Variants in RORA observed in about 807,000 individuals in gnomAD.
The protein encoded by RORA is RAR related orphan receptor A, also known as nuclear receptor ROR-alpha.
In RORA, 7 loss-of-function variants were observed where a neutral mutation model predicts 69.5. The observed-to-expected ratio is 0.10, with a 90% CI of 0.06 to 0.19. RORA has a LOEUF of 0.19. Among genes scored for constraint, RORA ranks in the 10% least tolerant of loss-of-function variants. The pLI is 1.00. For synonymous variants in RORA, 261 were observed against 240.8 expected (o/e 1.08, Z -0.78); for missense variants, 457 against 663.0 (o/e 0.69, Z 3.41).
At chr15:60,945,241 C>T (rs1892835768) in intron 1 of RORA, among the ~76,000 whole-genome samples, 1 of 152,190 alleles carries the variant, frequency 6.6e-6, no homozygotes, top group African/African-American at 2.4e-5. Context: ...AACAGGAACT[C>T]TCATCTCTCT....
Position 61,061,339 on chromosome 15 carries a change from G to A in RORA, c.166+167714C>T, listed in dbSNP as rs1044753090. The stretch of plus-strand genomic sequence containing the variant: ...CTGCAGGCGTGCAGGGAGACAGAGC[G>A]AGGCTCTATCTTAAAAAATAAATAA... On this transcript the variant is annotated intron_variant, in intron 1 of 10. Transcript: ENST00000335670. This position sits in a 1 kb window ranked among gnomAD's most constrained non-coding sequence, Gnocchi z 4.4. 6.0e-5 allele frequency among the ~76,000 whole-genome samples: 9 copies of A among 149,468 alleles called. No individual in the cohort carries two copies. The highest frequency in any genetic ancestry group is 2.7e-4 in the Admixed American group (4 of 14,986).
At chr15:60,520,736 G>A (rs1371330163) in intron 3 of RORA, among the ~76,000 whole-genome samples, 1 of 152,110 alleles carries the variant, frequency 6.6e-6, no homozygotes, top group South Asian at 2.1e-4. Flanking sequence ...TAAAAAAAAA[G>A]TGCTGAAGTT....
In RORA at chr15:60,838,879, CACACACACATATACT is replaced by C. The variant is rs1194260085; in HGVS notation, c.167-160208_167-160194del. ...ACACACACACACACACACACACACA[CACACACACATATACT>C]TTTTTTTTTTTTCAGAGGGTGTCTC... On this transcript the variant is annotated intron_variant, in intron 1 of 10. Coordinates refer to ENST00000335670, the MANE Select transcript of RORA (RefSeq NM_134261.3). Among the ~76,000 whole-genome samples the C allele has an allele frequency of 6.3e-4, 46 of 72,470 alleles. No homozygotes were observed. In the East Asian group the frequency reaches 0.01, roughly 16 times the overall value. 47.5% of individuals were successfully genotyped at this position (72,470 alleles called of 152,430 possible).
At chr15:61,116,403 C>A (rs532793180) in intron 1 of RORA, among the ~76,000 whole-genome samples, 6 of 152,266 alleles carry the variant, frequency 3.9e-5, no homozygotes, top group African/African-American at 1.4e-4. Flanking sequence ...TGCTACCCTA[C>A]AAATAAGAGA....
chr15:60,575,038 G>T (rs1399644397), intron 2 of RORA, among the ~76,000 whole-genome samples: 1 of 151,874 alleles, frequency 6.6e-6, no homozygotes, highest in African/African-American at 2.4e-5. Flanking sequence ...TGGTGATTAG[G>T]CAACTCTGCC....
chr15:60,770,692 A>AG (rs1394715185), intron 1 of RORA, among the ~76,000 whole-genome samples: 1 of 152,158 alleles, frequency 6.6e-6, no homozygotes, highest in African/African-American at 2.4e-5. Context: ...GCCCAATCAT[A>AG]GTGCACTGCA....
intron 2 of RORA, among the ~76,000 whole-genome samples, chr15:60,596,389 G>T (rs1204571947): frequency 6.6e-6 from 1 of 152,060 alleles, no homozygotes; most frequent in East Asian, 1.9e-4. Context: ...AGGTTAATGT[G>T]GTCCTAGGCA....
At chr15:61,185,936 T>C (rs543335545) in intron 1 of RORA, among the ~76,000 whole-genome samples, 34 of 152,272 alleles carry the variant, frequency 2.2e-4, no homozygotes, top group African/African-American at 7.2e-4. Context: ...GTTTCTCTAC[T>C]GGATAAACTC....
intron 1 of RORA, among the ~76,000 whole-genome samples, chr15:61,110,062 T>C (rs1391156922): frequency 2.0e-5 from 3 of 152,220 alleles, no homozygotes; most frequent in South Asian, 2.1e-4. Context: ...TTTGTGGTGA[T>C]GCTGGTGTAA....
intron 1 of RORA, among the ~76,000 whole-genome samples, chr15:61,215,230 G>C (rs2080030169): frequency 6.6e-6 from 1 of 151,810 alleles, no homozygotes; most frequent in African/African-American, 2.4e-5. Context: ...CAGCCATGTT[G>C]GACACTGCCT....
At chr15:61,013,992 C>T (rs1368342469) in intron 1 of RORA, among the ~76,000 whole-genome samples, 2 of 151,976 alleles carry the variant, frequency 1.3e-5, no homozygotes, top group Non-Finnish European at 2.9e-5. Flanking sequence ...ATCATATTAG[C>T]CAGGATGGTC....
intron 1 of RORA, among the ~76,000 whole-genome samples, chr15:61,227,744 C>A (rs1461736768): frequency 6.6e-6 from 1 of 152,188 alleles, no homozygotes; most frequent in African/African-American, 2.4e-5. Flanking sequence ...CGCGCTGGGC[C>A]GGTACCCAAG....
intron 1 of RORA, among the ~76,000 whole-genome samples, chr15:61,160,762 T>A (rs891063393): frequency 9.2e-5 from 14 of 152,298 alleles, no homozygotes; most frequent in African/African-American, 2.6e-4. Flanking sequence ...TGGGAAATAT[T>A]AGGGGGTTAT....
chr15:60,704,507 T>G (rs2071033004), intron 1 of RORA, among the ~76,000 whole-genome samples: 1 of 152,246 alleles, frequency 6.6e-6, no homozygotes, highest in African/African-American at 2.4e-5. Context: ...TTTTCTGTTG[T>G]CTTCTTTCTT....
intron 2 of RORA, among the ~76,000 whole-genome samples, chr15:60,641,241 C>T (rs1172543850): frequency 1.3e-5 from 2 of 151,820 alleles, no homozygotes; most frequent in African/African-American, 4.8e-5. Flanking sequence ...CAAGAGCCAC[C>T]ACACCTGGTG....
intron 1 of RORA, among the ~76,000 whole-genome samples, chr15:60,985,137 T>A (rs1446672767): frequency 3.3e-5 from 5 of 152,202 alleles, no homozygotes; most frequent in Admixed American, 3.3e-4. Flanking sequence ...AATTTGGAAA[T>A]AAACTGTGGA....
At chr15:60,748,398 CAG>C (rs1405942294) in intron 1 of RORA, among the ~76,000 whole-genome samples, 2 of 151,644 alleles carry the variant, frequency 1.3e-5, no homozygotes, top group African/African-American at 4.8e-5. Context: ...GGAATGGGTC[CAG>C]AGATTGAACC....
chr15:60,554,016 G>A (rs1353057378), intron 2 of RORA, among the ~76,000 whole-genome samples: 1 of 152,032 alleles, frequency 6.6e-6, no homozygotes, highest in Non-Finnish European at 1.5e-5. Context: ...CCGTTAACCT[G>A]TCTTTTGTAA....
At chr15:61,060,006 A>C (rs149578400) in intron 1 of RORA, among the ~76,000 whole-genome samples, 25 of 130,622 alleles carry the variant, frequency 1.9e-4, no homozygotes, top group Non-Finnish European at 3.7e-4. Flanking sequence ...AAGAAGAAGA[A>C]GAAGAAGAAG....
Sources: allele counts gnomAD v4.1 joint callset (sites outside exome capture counted in the v4.1 genomes callset), GRCh38; gene constraint gnomAD v4.1.1; non-coding constraint Gnocchi (gnomAD v3.1); transcripts MANE v1.5; gene names NCBI Gene and HGNC (gene_info 2026-07-23, HGNC 2026-07-21).